The following PDLIM5 variants were observed in gnomAD, a reference collection of about 807,000 sequenced individuals.
PDLIM5 encodes the protein PDZ and LIM domain protein 5.
PDLIM5 carries 34 observed loss-of-function variants against 64.2 expected under a neutral mutation model. The observed-to-expected ratio is 0.53, with a 90% CI of 0.40 to 0.71. PDLIM5 has a LOEUF of 0.71. Ranked by LOEUF, PDLIM5 falls within the 30% of genes least tolerant of loss-of-function variation. The pLI is 0.00. For synonymous variants in PDLIM5, 253 were observed against 269.1 expected (o/e 0.94, Z 0.59); for missense variants, 683 against 733.6 (o/e 0.93, Z 0.80).
intron 2 of PDLIM5, among the ~76,000 whole-genome samples, chr4:94,489,526 G>A (rs1288201311): frequency 6.6e-6 from 1 of 151,898 alleles, no homozygotes; most frequent in Non-Finnish European, 1.5e-5. Flanking sequence ...ATATTGAGTA[G>A]TATCTGGTTA....
intron 7 of PDLIM5, among the ~76,000 whole-genome samples, chr4:94,604,117 A>G (rs571214851): frequency 2.0e-5 from 3 of 152,334 alleles, no homozygotes; most frequent in African/African-American, 7.2e-5. Context: ...AAAGCCTAGG[A>G]CAGAGAACTC....
intron 3 of PDLIM5, among the ~76,000 whole-genome samples, chr4:94,544,928 A>G (rs1732175352): frequency 1.3e-5 from 2 of 152,342 alleles, no homozygotes; most frequent in Admixed American, 1.3e-4. Context: ...ATACCTTGCC[A>G]TGGTTAAATC....
intron 8 of PDLIM5, among the ~76,000 whole-genome samples, chr4:94,626,227 C>T (rs1383296170): frequency 2.0e-5 from 3 of 152,160 alleles, no homozygotes; most frequent in Non-Finnish European, 4.4e-5. Context: ...AAGGAACAAA[C>T]ATTTAACATT....
At chr4:94,456,272 C>T in intron 2 of PDLIM5, 1 of 500,500 alleles carries the variant, frequency 2.0e-6, no homozygotes, top group Admixed American at 3.8e-5. Context: ...AATCTCGGCT[C>T]ACCACAACCT....
At chr4:94,643,908 G>A (rs1482622450) in intron 9 of PDLIM5, among the ~76,000 whole-genome samples, 3 of 151,980 alleles carry the variant, frequency 2.0e-5, no homozygotes, top group Non-Finnish European at 2.9e-5. Context: ...TTTATTTATA[G>A]GTTTTATTTA....
intron 3 of PDLIM5, among the ~76,000 whole-genome samples, chr4:94,545,130 A>T (rs943122683): frequency 6.6e-6 from 1 of 152,226 alleles, no homozygotes; most frequent in African/African-American, 2.4e-5. Flanking sequence ...TAAAAAGTTA[A>T]GCCTCAATTT....
chr4:94,615,268 T>A (rs1356997339), intron 7 of PDLIM5, among the ~76,000 whole-genome samples: 1 of 152,190 alleles, frequency 6.6e-6, no homozygotes, highest in Non-Finnish European at 1.5e-5. Flanking sequence ...GAAGTGACTA[T>A]TAATAGTAAT....
At chr4:94,629,008 T>C (rs1739923791) in intron 8 of PDLIM5, among the ~76,000 whole-genome samples, 1 of 152,142 alleles carries the variant, frequency 6.6e-6, no homozygotes, top group South Asian at 2.1e-4. Flanking sequence ...AAGCATAGAC[T>C]TGTCTTCCCA....
intron 2 of PDLIM5, among the ~76,000 whole-genome samples, chr4:94,483,681 A>G (rs780694337): frequency 5.3e-5 from 8 of 152,176 alleles, no homozygotes; most frequent in Non-Finnish European, 1.2e-4. Flanking sequence ...ATGGTTCAAC[A>G]TCGTGTTTTA....
intron 5 of PDLIM5, chr4:94,584,803 A>G: frequency 1.9e-6 from 1 of 527,938 alleles, no homozygotes; most frequent in Non-Finnish European, 3.4e-6. Flanking sequence ...GCCGTTGTGA[A>G]TATTGTCCGC....
intron 7 of PDLIM5, among the ~76,000 whole-genome samples, chr4:94,597,865 A>G (rs1403419411): frequency 6.6e-6 from 1 of 152,180 alleles, no homozygotes; most frequent in Admixed American, 6.5e-5. Flanking sequence ...TCTGAAAAGC[A>G]TGGCTAGTGA....
chr4:94,604,339 G>A (rs1363644723), intron 7 of PDLIM5, among the ~76,000 whole-genome samples: 2 of 152,128 alleles, frequency 1.3e-5, no homozygotes, highest in African/African-American at 2.4e-5. Context: ...GGTATCTAAT[G>A]TAGTCATCTT....
chr4:94,505,679 C>G (rs1230460433), intron 2 of PDLIM5, among the ~76,000 whole-genome samples: 1 of 152,176 alleles, frequency 6.6e-6, no homozygotes, highest in Non-Finnish European at 1.5e-5. Flanking sequence ...ACTTTACTTA[C>G]ATTTACCCAT....
intron 9 of PDLIM5, among the ~76,000 whole-genome samples, chr4:94,646,645 TAACA>T (rs984481037): frequency 9.9e-5 from 15 of 152,180 alleles, no homozygotes; most frequent in Non-Finnish European, 4.4e-5. Flanking sequence ...TATCCAACTT[TAACA>T]AACCAATTTA....
In PDLIM5 at chr4:94,667,086, T is replaced by C. The variant is rs1044196025; in HGVS notation, c.*3019T>C. On this transcript the variant is annotated 3_prime_UTR_variant, in exon 13 of 13. Coordinates refer to ENST00000317968, the MANE Select transcript of PDLIM5 (RefSeq NM_006457.5). ...ATTATTACTTCTTCACTATAGAGCA[T>C]TTACTTTTAGTCTCTAGATGTATAT... The C allele has an allele frequency of 2.6e-5, 4 of 152,234 alleles. No individual in the cohort carries two copies. Among genetic ancestry groups the C allele is most frequent in the Non-Finnish European group, 5.9e-5 (4 of 68,050 alleles). 9.4% of individuals were successfully genotyped at this position (152,234 alleles called of 1,614,324 possible).
chr4:94,594,483 G>A (rs544134063), intron 7 of PDLIM5, among the ~76,000 whole-genome samples: 10 of 152,046 alleles, frequency 6.6e-5, no homozygotes, highest in African/African-American at 2.4e-4. Flanking sequence ...AGAGGCAACA[G>A]CCATCTTATC....
chr4:94,563,681 C>T (rs1051810636), intron 3 of PDLIM5, among the ~76,000 whole-genome samples: 2 of 152,118 alleles, frequency 1.3e-5, no homozygotes, highest in African/African-American at 4.8e-5. Context: ...CTGGTATTAG[C>T]ATAGGACAGG....
At chr4:94,611,222 C>A (rs1461771051) in intron 7 of PDLIM5, 1 of 1,527,862 alleles carries the variant, frequency 6.5e-7, no homozygotes, top group Admixed American at 2.0e-5. Context: ...GCAGATATGG[C>A]AAGTGGTGGT....
chr4:94,627,239 T>C (rs1739772892), intron 8 of PDLIM5, among the ~76,000 whole-genome samples: 1 of 152,206 alleles, frequency 6.6e-6, no homozygotes, highest in African/African-American at 2.4e-5. Context: ...GCCCATCTCC[T>C]TACATAACAA....
Sources: gnomAD v4.1 joint callset for allele counts (sites outside exome capture counted in the v4.1 genomes callset) on GRCh38, gnomAD v4.1.1 for gene constraint, MANE v1.5 for transcripts, NCBI Gene and HGNC (gene_info 2026-07-23, HGNC 2026-07-21) for gene names.